ABCC8: variants seen among roughly 807,000 people sequenced by gnomAD.
ABCC8 encodes ATP-binding cassette sub-family C member 8.
In ABCC8, 137 loss-of-function variants were observed where a neutral mutation model predicts 188.0. The ratio of observed to expected loss-of-function variants is 0.73; its 90% confidence interval spans 0.63 to 0.84. The LOEUF (loss-of-function observed/expected upper bound fraction) is 0.84, where lower values mean the gene tolerates loss of function less well. ABCC8 is among the 40% of genes least tolerant of loss of function. The pLI is 0.00. For missense variants in ABCC8, 1,750 were observed against 2,072.7 expected, an observed-to-expected ratio of 0.84 and a Z score of 3.02; for synonymous variants, 797 against 846.5, an observed-to-expected ratio of 0.94 and a Z score of 1.01.
chr11:17,438,340 A>G (rs1956186256), intron 10 of ABCC8, among the ~76,000 whole-genome samples: 1 of 151,962 alleles, frequency 6.6e-6, no homozygotes, highest in Non-Finnish European at 1.5e-5. Context: ...CACAAAAGAG[A>G]AACAGGGGCA....
chr11:17,415,149 G>A (rs989078860), intron 18 of ABCC8, among the ~76,000 whole-genome samples, 155 bp downstream of exon 18: 5 of 152,134 alleles, frequency 3.3e-5, no homozygotes, highest in East Asian at 1.9e-4. Context: ...AGCAGCTCCC[G>A]AGCCACCTGG....
intron 12 of ABCC8, 176 bp from the exon 13 acceptor site, chr11:17,428,846 G>A (rs374351065): frequency 8.4e-7 from 1 of 1,194,524 alleles, no homozygotes; most frequent in East Asian, 2.6e-5. Flanking sequence ...GTGTTACCAG[G>A]GTTTGCTAGG....
At chr11:17,450,892 T>C (rs1956791006) in intron 7 of ABCC8, among the ~76,000 whole-genome samples, 1 of 151,568 alleles carries the variant, frequency 6.6e-6, no homozygotes, top group Admixed American at 6.6e-5. Flanking sequence ...TTTCACTATG[T>C]TGGTCAGGCT....
intron 8 of ABCC8, among the ~76,000 whole-genome samples, chr11:17,446,728 T>C (rs1956544464): frequency 6.6e-6 from 1 of 152,150 alleles, no homozygotes; most frequent in Non-Finnish European, 1.5e-5. Context: ...GGATGGCATA[T>C]ATGACTGTTC....
At chr11:17,397,551 G>A (rs983421337) in intron 31 of ABCC8, 133 bp downstream of exon 31, 30 of 1,430,628 alleles carry the variant, frequency 2.1e-5, no homozygotes, top group South Asian at 7.4e-5. Flanking sequence ...CTTCCTGCCC[G>A]CACTGTCCCT....
In ABCC8 at chr11:17,396,981, G is replaced by T; in HGVS notation, c.4054C>A (p.Arg1352Ser). Residue 1352 changes from arginine (R) to serine (S), a missense_variant, in exon 33 of 39, where the codon CGC becomes AGC. Transcript: ENST00000389817. The stretch of plus-strand genomic sequence containing the variant: ...ACCGGCTTCAGGGAGCTGTCGTAGC[G>T]CACGCTCAGGTTCTGGATCTGGATC... ...GKIQIQNLSVRYDSSLKPVLK... is the reference protein window; with the variant it reads ...GKIQIQNLSVSYDSSLKPVLK... 1 of 1,614,222 alleles carries T rather than the reference G, an allele frequency of 6.2e-7. No individual in the cohort carries two copies. The highest frequency in any genetic ancestry group is 8.5e-7 in the Non-Finnish European group (1 of 1,180,024).
chr11:17,430,867 T>A lies in ABCC8; in HGVS notation c.1764A>T (p.Thr588=), dbSNP rs764095167. The change falls in exon 12 of 39, where the codon ACA becomes ACT. Residue 588 remains threonine, a synonymous_variant. Coordinates refer to ENST00000389817, the MANE Select transcript of ABCC8 (RefSeq NM_000352.6). ...ASLSLFHILV[T]PLFLLSSVVR... ...CCACACTGGACAGCAGGAACAGCGGTGTGACCAAGATATGGAAGAGGGAGA... is the reference window on the plus strand; with the variant it reads ...CCACACTGGACAGCAGGAACAGCGGAGTGACCAAGATATGGAAGAGGGAGA... 5.6e-6 allele frequency: 9 copies of A among 1,614,016 alleles called. No individual in the cohort carries two copies. In the African/African-American group the frequency reaches 8.0e-5, roughly 14 times the overall value.
Position 17,443,169 on chromosome 11 carries a change from G to C in ABCC8, c.1467+9C>G, listed in dbSNP as rs774224706. The C allele has an allele frequency of 4.3e-6, 7 of 1,614,062 alleles. No individual in the cohort carries two copies. The highest frequency in any genetic ancestry group is 5.9e-6 in the Non-Finnish European group (7 of 1,179,974). On this transcript the variant is annotated intron_variant, in intron 9 of 38. Transcript: ENST00000389817. ...GAGGGACAAAACACACACACCTTTG[G>C]GCACTCACCAGTGTGCTCCGCTGGG...
At chr11:17,469,706 C>T (rs920024339) in intron 3 of ABCC8, among the ~76,000 whole-genome samples, 2 of 152,194 alleles carry the variant, frequency 1.3e-5, no homozygotes, top group Non-Finnish European at 2.9e-5. Flanking sequence ...CCCACAGTGA[C>T]ATCTTTGCCA....
At chr11:17,464,406 C>T (rs929123418) in intron 3 of ABCC8, among the ~76,000 whole-genome samples, 6 of 152,204 alleles carry the variant, frequency 3.9e-5, no homozygotes, top group African/African-American at 7.2e-5. Context: ...GTGGTGGCTC[C>T]GCAGCCAGAT....
At chr11:17,458,566 A>G (rs1013540900) in intron 6 of ABCC8, among the ~76,000 whole-genome samples, 3 of 152,290 alleles carry the variant, frequency 2.0e-5, no homozygotes, top group South Asian at 4.2e-4. Context: ...AGGATCGCCA[A>G]TGGGGGTATT....
At chr11:17,408,292 T>C in intron 23 of ABCC8, 100 bp downstream of exon 23, 1 of 1,208,546 alleles carries the variant, frequency 8.3e-7, no homozygotes, top group Non-Finnish European at 1.2e-6. Context: ...TTTAGGGGGC[T>C]TCCTGGGGCA....
intron 23 of ABCC8, among the ~76,000 whole-genome samples, chr11:17,408,023 T>TG (rs1221477636): frequency 2.6e-5 from 4 of 152,220 alleles, no homozygotes; most frequent in African/African-American, 2.4e-5. Context: ...ACTGACTACC[T>TG]GGATCCAGCA....
chr11:17,476,298 C>T (rs753545490), intron 1 of ABCC8, among the ~76,000 whole-genome samples: 26 of 152,216 alleles, frequency 1.7e-4, no homozygotes, highest in Non-Finnish European at 3.4e-4. Context: ...TGAGGCCCGA[C>T]CCCTCTCCAG....
At chr11:17,450,243 TTTTTCTTTCTTTC>T (rs1305942451) in intron 7 of ABCC8, among the ~76,000 whole-genome samples, 14 of 50,706 alleles carry the variant, frequency 2.8e-4, no homozygotes, top group African/African-American at 5.6e-4. Context: ...CTTTCTTTTC[TTTTTCTTTCTTTC>T]TTTCTCTTTC....
rs995716773 is a variant in ABCC8 at position 17,427,216 on chromosome 11, A to G, written c.2117-62T>C. 1 of 1,510,494 alleles carries G rather than the reference A, an allele frequency of 6.6e-7. No homozygotes were observed. The highest frequency in any genetic ancestry group is 8.9e-7 in the Non-Finnish European group (1 of 1,126,814). The allele number at this position is 1,510,494 out of a possible 1,614,324, so 93.6% of individuals were successfully genotyped here. ...GGGGGAGTCTGAACAACCATTACCC[A>G]GAAAGACAGACAGACAGATGCACCC... On this transcript the variant is annotated intron_variant, in intron 15 of 38. Transcript: ENST00000389817. The surrounding 1 kb of genome is among the most constrained non-coding windows in gnomAD (Gnocchi z 5.0).
chr11:17,397,009 C>T lies in ABCC8; in HGVS notation c.4026G>A (p.Gly1342=), dbSNP rs1953966771. 2 of 1,614,218 alleles carry T rather than the reference C, an allele frequency of 1.2e-6. No homozygotes were observed. Among genetic ancestry groups the T allele is most frequent in the Non-Finnish European group, 1.7e-6 (2 of 1,180,030 alleles). ...CGCTCAGGTTCTGGATCTGGATCTT[C>T]CCTTGGTCTGGCCAGTTCTTTGGGA... The part of the protein sequence containing the change: ...SLIPKNWPDQ[G]KIQIQNLSVR... Residue 1342 remains glycine, a synonymous_variant, in exon 33 of 39, where the codon GGG becomes GGA. Coordinates refer to ENST00000389817, the MANE Select transcript of ABCC8 (RefSeq NM_000352.6).
intron 10 of ABCC8, chr11:17,435,542 GGGATCT>G: frequency 8.3e-7 from 1 of 1,203,204 alleles, no homozygotes; most frequent in Non-Finnish European, 1.2e-6. Context: ...CTGCTCCAAG[GGGATCT>G]AAAAGCACAA....
At position 17,395,605 on chromosome 11, in the gene ABCC8, C is replaced by T. The variant is rs1219157682; in HGVS notation, c.4307+5G>A. ...TGGGTGGGCCTGAGGGGTGGTGGGG[C>T]TCACCGGATGGTGCCGCTGAAGAGG... On this transcript the variant is annotated splice_donor_5th_base_variant and intron_variant, in intron 35 of 38. Transcript: ENST00000389817. 3 of 1,549,124 alleles carry T rather than the reference C, an allele frequency of 1.9e-6. No individual in the cohort carries two copies. Among genetic ancestry groups the T allele is most frequent in the Middle Eastern group, 1.7e-4 (1 of 5,992 alleles).
Sources: allele counts gnomAD v4.1 joint callset (sites outside exome capture counted in the v4.1 genomes callset), GRCh38; gene constraint gnomAD v4.1.1; non-coding constraint Gnocchi (gnomAD v3.1); transcripts MANE v1.5; gene names NCBI Gene and HGNC (gene_info 2026-07-23, HGNC 2026-07-21).